REEP5: variants seen among roughly 807,000 people sequenced by gnomAD.
The protein encoded by REEP5 is receptor expression-enhancing protein 5.
Under a neutral mutation model 22.4 loss-of-function variants are expected in REEP5, and 24 were observed. The observed-to-expected ratio is 1.07, with a 90% confidence interval of 0.78 to 1.51. The LOEUF is 1.51. Ranked by LOEUF, REEP5 falls within the 40% of genes most tolerant of loss-of-function variation. REEP5 has a pLI of 0.00. For synonymous variants in REEP5, 103 were observed against 88.6 expected, an observed-to-expected ratio of 1.16 and a Z score of -0.92; for missense variants, 252 against 233.0, an observed-to-expected ratio of 1.08 and a Z score of -0.53.
At chr5:112,888,828 A>G (rs923064038) in intron 3 of REEP5, among the ~76,000 whole-genome samples, 1 of 150,714 alleles carries the variant, frequency 6.6e-6, no homozygotes, top group African/African-American at 2.5e-5. Context: ...GGAGACTGAC[A>G]TGGTTTAGCT....
intron 2 of REEP5, among the ~76,000 whole-genome samples, chr5:112,913,197 A>G (rs1769145201): frequency 6.6e-6 from 1 of 152,148 alleles, no homozygotes; most frequent in African/African-American, 2.4e-5. Context: ...TGGGAGGCTG[A>G]GGCAGGAGAA....
chr5:112,922,151 G>A lies in REEP5; in HGVS notation c.40C>T (p.His14Tyr), dbSNP rs752845575. Reference protein sequence around the residue: ...AMRERFDRFLHEKNCMTDLLA... With the variant: ...AMRERFDRFLYEKNCMTDLLA... ...AGGTCAGTCATGCAGTTCTTCTCGTGCAGGAACCGGTCGAACCTCTCCCTC... is the reference window on the plus strand; with the variant it reads ...AGGTCAGTCATGCAGTTCTTCTCGTACAGGAACCGGTCGAACCTCTCCCTC... The change falls in exon 1 of 5, where the codon CAC (histidine) becomes TAC (tyrosine). Residue 14 changes from histidine to tyrosine, a missense_variant. By Grantham distance (83) the His-to-Tyr change is moderately conservative. Transcript: ENST00000379638. 3.1e-6 allele frequency: 5 copies of A among 1,608,066 alleles called. No individual in the cohort carries two copies. Among genetic ancestry groups the A allele is most frequent in the Non-Finnish European group, 4.2e-6 (5 of 1,177,406 alleles).
At chr5:112,895,250 A>AAAAAAAAAAAAAAAAAAAAAG in intron 3 of REEP5, 1 of 146,510 alleles carries the variant, frequency 6.8e-6, no homozygotes, top group Non-Finnish European at 1.5e-5. Flanking sequence ...AAAAAAAAAA[A>AAAAAAAAAAAAAAAAAAAAAG]AAAAAAAATC....
chr5:112,910,051 G>A (rs754200801), intron 2 of REEP5, among the ~76,000 whole-genome samples: 2 of 152,104 alleles, frequency 1.3e-5, no homozygotes, highest in African/African-American at 4.8e-5. Flanking sequence ...GCCTGTAATC[G>A]CAGCATTTTG....
At chr5:112,892,148 T>C (rs768423518) in intron 3 of REEP5, 3 of 1,614,028 alleles carry the variant, frequency 1.9e-6, no homozygotes, top group Admixed American at 1.7e-5. Flanking sequence ...TTCAGAGTAA[T>C]GGAGAAGGAT....
intron 2 of REEP5, 45 bp downstream of exon 2, chr5:112,921,118 G>T (rs779897606): frequency 1.3e-6 from 2 of 1,575,528 alleles, no homozygotes; most frequent in Non-Finnish European, 8.7e-7. Context: ...CCTGCGGGGA[G>T]GAATGGAGGA....
At position 112,878,702 on chromosome 5, in the gene REEP5, A is replaced by C. The variant is rs2150032365; in HGVS notation, c.*84T>G. On this transcript the variant is annotated 3_prime_UTR_variant, in exon 5 of 5. Coordinates refer to ENST00000379638, the MANE Select transcript of REEP5 (RefSeq NM_005669.5). ...AATGTTTCCAAGGCAACATTATTAA[A>C]ATAATTATACCACAGTCCCTAATAT... 2.6e-6 allele frequency: 4 copies of C among 1,544,386 alleles called. No individual in the cohort carries two copies. The South Asian group carries it at 3.6e-5, about 14-fold the overall frequency.
At chr5:112,894,630 C>T (rs1768622682) in intron 3 of REEP5, 2 of 152,192 alleles carry the variant, frequency 1.3e-5, no homozygotes, top group African/African-American at 2.4e-5. Flanking sequence ...GCACACAGAG[C>T]AATTGTTACT....
chr5:112,914,502 C>CA (rs1769189598), intron 2 of REEP5, among the ~76,000 whole-genome samples: 3 of 151,822 alleles, frequency 2.0e-5, no homozygotes, highest in Admixed American at 2.0e-4. Flanking sequence ...CCTGTCCCCC[C>CA]AAAAAAACTG....
In REEP5 at chr5:112,877,500, C is replaced by T. The variant is rs897082442; in HGVS notation, c.*1286G>A. 17 of 152,114 alleles carry T rather than the reference C, an allele frequency of 1.1e-4. No homozygotes were observed. The highest frequency in any genetic ancestry group is 4.1e-4 in the African/African-American group (17 of 41,426). The allele number at this position is 152,114 out of a possible 1,614,324, so 9.4% of individuals were successfully genotyped here. A position where few individuals can be genotyped will look rare whatever the true frequency, so the allele number is the denominator to read the frequency against. ...TCCGTTTTAACTTTACTGTTCTGTA[C>T]TTACTATGTAGTCATGTGCAGCTTA... On this transcript the variant is annotated 3_prime_UTR_variant, in exon 5 of 5. Coordinates refer to ENST00000379638, the MANE Select transcript of REEP5 (RefSeq NM_005669.5).
chr5:112,897,080 C>T (rs1768704735), intron 3 of REEP5: 1 of 152,004 alleles, frequency 6.6e-6, no homozygotes, highest in South Asian at 2.1e-4. Flanking sequence ...CATTAGATAG[C>T]TATGTCAAAA....
At chr5:112,893,094 T>TAAAAAAAAAAA (rs552226372) in intron 3 of REEP5, 66 of 501,458 alleles carry the variant, frequency 1.3e-4, no homozygotes, top group African/African-American at 7.7e-4. Flanking sequence ...GTTTTGTTCT[T>TAAAAAAAAAAA]AAAAAAAAAA....
chr5:112,892,637 T>G, intron 3 of REEP5: 2 of 1,614,106 alleles, frequency 1.2e-6, no homozygotes, highest in Non-Finnish European at 8.5e-7. Context: ...CACTGCAACT[T>G]TCTTCATGTG....
chr5:112,922,221 T>C lies in REEP5; in HGVS notation c.-31A>G. On this transcript the variant is annotated 5_prime_UTR_variant, in exon 1 of 5. Transcript: ENST00000379638. ...GGACCGTCTCGCCGCTCGGGGCTGTTCCTAGTGCCGGATAGACTGGAGCGG... is the reference window on the plus strand; with the variant it reads ...GGACCGTCTCGCCGCTCGGGGCTGTCCCTAGTGCCGGATAGACTGGAGCGG... 6.3e-7 allele frequency: 1 copy of C among 1,590,080 alleles called. No homozygotes were observed. The highest frequency in any genetic ancestry group is 8.6e-7 in the Non-Finnish European group (1 of 1,168,712).
Position 112,913,250 on chromosome 5 carries a change from G to A in REEP5, c.212+7913C>T, listed in dbSNP as rs190893840. ...GTGGAGGCTGCAGTGAGCTGATTGC[G>A]CCACTGCACTCCAGCCTGGGCAACA... On this transcript the variant is annotated intron_variant, in intron 2 of 4. Coordinates refer to ENST00000379638, the MANE Select transcript of REEP5 (RefSeq NM_005669.5). Among the ~76,000 whole-genome samples the A allele has an allele frequency of 4.0e-4, 60 of 151,454 alleles. 1 individual carries two copies. The East Asian group carries it at 8.8e-3, about 22-fold the overall frequency.
intron 3 of REEP5, among the ~76,000 whole-genome samples, chr5:112,891,201 TA>T (rs1768434906): frequency 6.6e-6 from 1 of 152,102 alleles, no homozygotes; most frequent in Admixed American, 6.5e-5. Flanking sequence ...GCCTCCCAAG[TA>T]GCTGGGATTA....
At chr5:112,921,090 G>T (rs1210064439) in intron 2 of REEP5, 73 bp downstream of exon 2, 2 of 1,409,234 alleles carry the variant, frequency 1.4e-6, no homozygotes, top group Non-Finnish European at 2.0e-6. Context: ...TTGCGGATGT[G>T]CAGTCTACTG....
At position 112,878,548 on chromosome 5, in the gene REEP5, G is replaced by C; in HGVS notation, c.*238C>G. 2.0e-6 allele frequency: 1 copy of C among 508,038 alleles called. No homozygotes were observed. The highest frequency in any genetic ancestry group is 3.4e-6 in the Non-Finnish European group (1 of 293,494). The allele number at this position is 508,038 out of a possible 1,614,324, so 31.5% of individuals were successfully genotyped here. On this transcript the variant is annotated 3_prime_UTR_variant, in exon 5 of 5. Transcript: ENST00000379638. ...AGCAACATACATCTTTTCCTACCCAGAGGCAAAATACATTTTCCAAAAACG... is the reference window on the plus strand; with the variant it reads ...AGCAACATACATCTTTTCCTACCCACAGGCAAAATACATTTTCCAAAAACG...
At chr5:112,918,307 A>G (rs1298512428) in intron 2 of REEP5, among the ~76,000 whole-genome samples, 1 of 152,196 alleles carries the variant, frequency 6.6e-6, no homozygotes, top group African/African-American at 2.4e-5. Flanking sequence ...GCACTGGGCA[A>G]GTCTTCAACC....
Sources: gnomAD v4.1 joint callset for allele counts (sites outside exome capture counted in the v4.1 genomes callset) on GRCh38, gnomAD v4.1.1 for gene constraint, MANE v1.5 for transcripts, NCBI Gene and HGNC (gene_info 2026-07-23, HGNC 2026-07-21) for gene names.